Variants in CTNNAL1 observed in about 807,000 individuals in gnomAD.
The protein encoded by CTNNAL1 is alpha-catulin.
Under a neutral mutation model 93.6 loss-of-function variants are expected in CTNNAL1, and 69 were observed. That is an observed-to-expected ratio of 0.74 (90% CI 0.61 to 0.90). The LOEUF is 0.90. Ranked by LOEUF, CTNNAL1 falls within the 40% of genes least tolerant of loss-of-function variation. The probability of loss-of-function intolerance (pLI) is 0.00; values close to 1 mark genes in which losing one functional copy is unlikely to be tolerated. For synonymous variants in CTNNAL1, 286 were observed against 305.4 expected, an observed-to-expected ratio of 0.94 and a Z score of 0.66; for missense variants, 836 against 862.0, an observed-to-expected ratio of 0.97 and a Z score of 0.38.
In CTNNAL1 at chr9:108,999,248, C is replaced by A. The variant is rs368581163; in HGVS notation, c.150G>T (p.Thr50=). 6.3e-7 allele frequency: 1 copy of A among 1,579,474 alleles called. No individual in the cohort carries two copies. Among genetic ancestry groups the A allele is most frequent in the African/African-American group, 1.4e-5 (1 of 72,960 alleles). Residue 50 remains threonine (T), a synonymous_variant, in exon 2 of 19, where the codon ACG becomes ACT. Coordinates refer to ENST00000325551, the MANE Select transcript of CTNNAL1 (RefSeq NM_003798.4). ...TGGTATTATCTTTATGATTAATAAG[C>A]GTGGTGATCTAAAAATAAAAGATAA... ...TLLPLVSQIT[T]LINHKDNTKK...
At chr9:108,988,981 A>G (rs923228190) in intron 4 of CTNNAL1, among the ~76,000 whole-genome samples, 3 of 152,240 alleles carry the variant, frequency 2.0e-5, no homozygotes, top group Non-Finnish European at 4.4e-5. Flanking sequence ...AGTAGCACTT[A>G]TCAAACACAG....
chr9:108,979,426 G>T lies in CTNNAL1; in HGVS notation c.956C>A (p.Ser319Tyr), dbSNP rs1394751809. 1.2e-6 allele frequency: 2 copies of T among 1,614,084 alleles called. No individual in the cohort carries two copies. Among genetic ancestry groups the T allele is most frequent in the Admixed American group, 3.3e-5 (2 of 60,012 alleles). The change falls in exon 7 of 19, where the codon TCT becomes TAT. Residue 319 changes from serine to tyrosine, a missense_variant. Physicochemically the swap from Ser to Tyr is moderately radical, Grantham distance 144. Coordinates refer to ENST00000325551, the MANE Select transcript of CTNNAL1 (RefSeq NM_003798.4). The part of the protein sequence containing the change: ...NLYFQSKENL[S>Y]VTLEVILERM... ...CTCCAAGATGACTTCCAATGTCACA[G>T]AAAGGTTCTCTTTGGACTGAAAATA...
chr9:108,965,147 C>T (rs1285431829), intron 11 of CTNNAL1, among the ~76,000 whole-genome samples: 2 of 151,966 alleles, frequency 1.3e-5, no homozygotes, highest in Non-Finnish European at 2.9e-5. Context: ...AGGTGTGAGC[C>T]GCCACACCTG....
intron 15 of CTNNAL1, among the ~76,000 whole-genome samples, chr9:108,947,207 G>A (rs184213297): frequency 3.0e-4 from 45 of 149,546 alleles, no homozygotes; most frequent in African/African-American, 9.6e-4. Flanking sequence ...TCCGCCTCCC[G>A]GGTTCACGCC....
chr9:109,007,691 G>A (rs1037523080), intron 1 of CTNNAL1, among the ~76,000 whole-genome samples: 2 of 152,176 alleles, frequency 1.3e-5, no homozygotes, highest in Non-Finnish European at 2.9e-5. Context: ...TAAAACATAT[G>A]AGTATATATA....
intron 8 of CTNNAL1, among the ~76,000 whole-genome samples, chr9:108,974,880 A>G (rs917670506): frequency 1.3e-4 from 20 of 152,152 alleles, no homozygotes; most frequent in African/African-American, 3.9e-4. Context: ...ACCGTCTTCA[A>G]GAATATAAAG....
At chr9:108,954,727 T>G (rs944987134) in intron 12 of CTNNAL1, among the ~76,000 whole-genome samples, 9 of 152,188 alleles carry the variant, frequency 5.9e-5, no homozygotes, top group Non-Finnish European at 1.2e-4. Flanking sequence ...AATGTTGTAT[T>G]TCAGTATTAA....
intron 10 of CTNNAL1, among the ~76,000 whole-genome samples, chr9:108,968,824 C>T (rs1422184707): frequency 6.6e-6 from 1 of 152,118 alleles, no homozygotes; most frequent in Non-Finnish European, 1.5e-5. Flanking sequence ...AGGGACTCAA[C>T]CTCTACTGCC....
At chr9:108,969,775 C>T (rs539022691) in intron 10 of CTNNAL1, among the ~76,000 whole-genome samples, 1 of 152,278 alleles carries the variant, frequency 6.6e-6, no homozygotes, top group South Asian at 2.1e-4. Context: ...GCCTCAGCCT[C>T]CTGAGTAGCT....
Position 108,976,958 on chromosome 9 carries a change from T to C in CTNNAL1, c.1188+4A>G, listed in dbSNP as rs1047595451. 29 of 1,319,978 alleles carry C rather than the reference T, an allele frequency of 2.2e-5. No homozygotes were observed. In the African/African-American group the frequency reaches 4.3e-4, roughly 20 times the overall value. The allele number at this position is 1,319,978 out of a possible 1,614,324, so 81.8% of individuals were successfully genotyped here. A position where few individuals can be genotyped will look rare whatever the true frequency, so the allele number is the denominator to read the frequency against. On this transcript the variant is annotated splice_donor_region_variant and intron_variant, in intron 8 of 18. Coordinates refer to ENST00000325551, the MANE Select transcript of CTNNAL1 (RefSeq NM_003798.4). ...GAAGAGGCTAAATTTCAAACTATAC[T>C]TACTTCTTTCTTAAGTTCATTAAGA...
chr9:108,943,680 A>C, intron 17 of CTNNAL1, 23 bp downstream of exon 17: 1 of 1,591,998 alleles, frequency 6.3e-7, no homozygotes, highest in Non-Finnish European at 8.5e-7. Context: ...GATGTGTGAA[A>C]GTTTTTCATA....
chr9:108,966,981 T>A (rs1830971834), intron 10 of CTNNAL1, among the ~76,000 whole-genome samples: 1 of 152,174 alleles, frequency 6.6e-6, no homozygotes, highest in South Asian at 2.1e-4. Context: ...ATCCAGGAGC[T>A]AGGAATTCAG....
chr9:108,984,351 G>A lies in CTNNAL1; in HGVS notation c.725C>T (p.Ser242Leu). The change falls in exon 5 of 19, where the codon TCA becomes TTA. Residue 242 changes from serine to leucine, a missense_variant. Physicochemically the swap from Ser to Leu is moderately radical, Grantham distance 145. Coordinates refer to ENST00000325551, the MANE Select transcript of CTNNAL1 (RefSeq NM_003798.4). ...GTAAAACCAAAATTGTCTTACCTTTGAAGCTGTGAGAAGCATCATTGTACA... is the reference window on the plus strand; with the variant it reads ...GTAAAACCAAAATTGTCTTACCTTTAAAGCTGTGAGAAGCATCATTGTACA... ...EKCTMMLLTASKTCLRHPNCE... is the reference protein window; with the variant it reads ...EKCTMMLLTALKTCLRHPNCE... The A allele has an allele frequency of 6.3e-7, 1 of 1,595,636 alleles. No homozygotes were observed. Among genetic ancestry groups the A allele is most frequent in the Non-Finnish European group, 8.6e-7 (1 of 1,165,260 alleles).
intron 1 of CTNNAL1, among the ~76,000 whole-genome samples, chr9:109,004,653 G>A (rs1826959020): frequency 6.6e-6 from 1 of 152,076 alleles, no homozygotes; most frequent in South Asian, 2.1e-4. Context: ...GGGCATGGTG[G>A]TGTGCACCTA....
At chr9:108,961,792 A>T (rs1048175860) in intron 11 of CTNNAL1, among the ~76,000 whole-genome samples, 8 of 152,206 alleles carry the variant, frequency 5.3e-5, no homozygotes, top group Non-Finnish European at 1.2e-4. Context: ...TTACTAACAG[A>T]TTGTTTTACC....
chr9:108,950,302 A>T (rs985441206), intron 14 of CTNNAL1, among the ~76,000 whole-genome samples: 4 of 152,212 alleles, frequency 2.6e-5, no homozygotes, highest in African/African-American at 4.8e-5. Flanking sequence ...ATCAGATTTT[A>T]AAAAGGTATG....
At chr9:108,986,183 G>A (rs1481728256) in intron 4 of CTNNAL1, among the ~76,000 whole-genome samples, 6 of 109,480 alleles carry the variant, frequency 5.5e-5, no homozygotes, top group Non-Finnish European at 9.5e-5. Flanking sequence ...CCCCCTCCCC[G>A]CACCCCACAA....
intron 2 of CTNNAL1, among the ~76,000 whole-genome samples, chr9:108,996,862 C>T (rs1335266942): frequency 6.6e-6 from 1 of 152,084 alleles, no homozygotes; most frequent in Admixed American, 6.5e-5. Flanking sequence ...GAAAAAAAGT[C>T]TCTCCTCTTA....
chr9:108,969,403 T>G (rs184203779), intron 10 of CTNNAL1, among the ~76,000 whole-genome samples: 1 of 152,196 alleles, frequency 6.6e-6, no homozygotes, highest in East Asian at 1.9e-4. Flanking sequence ...ACCTCTACTA[T>G]AGAAAATCCA....
Sources: gnomAD v4.1 joint callset for allele counts (sites outside exome capture counted in the v4.1 genomes callset) on GRCh38, gnomAD v4.1.1 for gene constraint, MANE v1.5 for transcripts, NCBI Gene and HGNC (gene_info 2026-07-23, HGNC 2026-07-21) for gene names.